TRIQK: variants seen among roughly 807,000 people sequenced by gnomAD.
TRIQK encodes the protein triple QxxK/R motif containing.
TRIQK carries 10 observed loss-of-function variants against 10.8 expected under a neutral mutation model. The observed-to-expected ratio is 0.92, with a 90% CI of 0.57 to 1.57. The LOEUF is 1.57. Among genes scored for constraint, TRIQK ranks in the 40% most tolerant of loss-of-function variants. The pLI is 0.00. For synonymous variants in TRIQK, 33 were observed against 33.7 expected, an observed-to-expected ratio of 0.98 and a Z score of 0.07; for missense variants, 107 against 97.7, an observed-to-expected ratio of 1.09 and a Z score of -0.40.
At chr8:92,899,524 T>A (rs147691044) in intron 3 of TRIQK, among the ~76,000 whole-genome samples, 151 of 152,264 alleles carry the variant, frequency 9.9e-4, no homozygotes, top group Admixed American at 2.1e-3. Flanking sequence ...GTACCTGGCT[T>A]ATTTCACTTG....
At chr8:92,911,692 C>A (rs2130422847) in intron 3 of TRIQK, among the ~76,000 whole-genome samples, 2 of 150,902 alleles carry the variant, frequency 1.3e-5, no homozygotes, top group South Asian at 4.2e-4. Flanking sequence ...AAGGTCATTA[C>A]ATAATGATAA....
In TRIQK at chr8:92,901,717, T is replaced by A. The variant is rs141747241; in HGVS notation, c.62-9643A>T. Reference sequence around the variant, plus strand: ...GCCTGTAGTTTTCTTTTTTTTAATGTGTTCTTGTCTGTTTTTGGTATTACA... The same window carrying A: ...GCCTGTAGTTTTCTTTTTTTTAATGAGTTCTTGTCTGTTTTTGGTATTACA... On this transcript the variant is annotated intron_variant, in intron 3 of 4. Coordinates refer to ENST00000521988, the MANE Select transcript of TRIQK (RefSeq NM_001171797.2). Among the ~76,000 whole-genome samples the A allele has an allele frequency of 1.2e-4, 19 of 152,236 alleles. 1 individual carries two copies. The East Asian group carries it at 3.7e-3, about 29-fold the overall frequency.
rs1271414606 is a variant in TRIQK at position 92,885,070 on chromosome 8, T to A, written c.*1552A>T. On this transcript the variant is annotated 3_prime_UTR_variant, in exon 5 of 5. Transcript: ENST00000521988. ...TTGGTCTGTCTCTTGAGTCTGTGAG[T>A]TCAAAGGGAAGAATCTAGTAAATAA... 2.2e-6 allele frequency: 1 copy of A among 448,014 alleles called. No individual in the cohort carries two copies. Among genetic ancestry groups the A allele is most frequent in the African/African-American group, 2.0e-5 (1 of 49,766 alleles). The allele number at this position is 448,014 out of a possible 1,614,324, so 27.8% of individuals were successfully genotyped here.
At chr8:92,981,835 A>G (rs1486099382) in intron 1 of TRIQK, among the ~76,000 whole-genome samples, 2 of 151,888 alleles carry the variant, frequency 1.3e-5, no homozygotes, top group Non-Finnish European at 2.9e-5. Flanking sequence ...CATACTAAAA[A>G]GAGATATCTT....
intron 3 of TRIQK, among the ~76,000 whole-genome samples, chr8:92,910,715 C>T (rs1042096103): frequency 4.0e-5 from 6 of 150,766 alleles, no homozygotes; most frequent in South Asian, 2.1e-4. Flanking sequence ...TAAACAGACA[C>T]TTCATAAGTA....
chr8:92,970,986 C>T (rs886300905), upstream of TRIQK, among the ~76,000 whole-genome samples: 5 of 151,940 alleles, frequency 3.3e-5, no homozygotes, highest in Non-Finnish European at 5.9e-5. Flanking sequence ...GGTATAAGGT[C>T]GGGGTCTAGT....
At chr8:92,901,764 G>C (rs889757422) in intron 3 of TRIQK, among the ~76,000 whole-genome samples, 1 of 152,026 alleles carries the variant, frequency 6.6e-6, no homozygotes, top group African/African-American at 2.4e-5. Context: ...CTTGTAAAAT[G>C]AGTTTGAAAG....
chr8:92,924,901 G>A (rs916044261), intron 2 of TRIQK, among the ~76,000 whole-genome samples: 1 of 151,902 alleles, frequency 6.6e-6, no homozygotes, highest in African/African-American at 2.4e-5. Flanking sequence ...TTCAGAGATC[G>A]AAGTGCCCAG....
chr8:93,000,047 C>T (rs746131797), intron 1 of TRIQK, among the ~76,000 whole-genome samples: 33 of 151,868 alleles, frequency 2.2e-4, no homozygotes, highest in East Asian at 3.9e-4. Context: ...ACTCATTCTC[C>T]GTGATCTAAA....
intron 1 of TRIQK, chr8:92,964,869 C>T (rs1053157378): frequency 3.3e-5 from 5 of 152,154 alleles, no homozygotes; most frequent in Admixed American, 2.0e-4. Context: ...ATTTCTTAAC[C>T]ATGCCAGTTT....
At chr8:92,974,884 C>G (rs1812915738) in intron 1 of TRIQK, 1 of 152,150 alleles carries the variant, frequency 6.6e-6, no homozygotes, top group South Asian at 2.1e-4. Context: ...TTGCCTGGGA[C>G]CAAGAATTGG....
At chr8:92,891,533 T>A (rs1371607294) in intron 4 of TRIQK, among the ~76,000 whole-genome samples, 1 of 151,902 alleles carries the variant, frequency 6.6e-6, no homozygotes, top group Non-Finnish European at 1.5e-5. Flanking sequence ...AGAACAAGTT[T>A]AGGAATGTCA....
At chr8:93,014,607 T>C (rs553190850) in intron 1 of TRIQK, among the ~76,000 whole-genome samples, 72 of 152,218 alleles carry the variant, frequency 4.7e-4, no homozygotes, top group African/African-American at 1.7e-3. Flanking sequence ...AATGACATCA[T>C]AAAAAGTTAC....
intron 2 of TRIQK, among the ~76,000 whole-genome samples, chr8:92,930,413 A>G (rs1039836482): frequency 2.6e-5 from 4 of 151,058 alleles, no homozygotes; most frequent in Non-Finnish European, 5.9e-5. Flanking sequence ...AAAAAAAAAA[A>G]AAGATTACAA....
intron 3 of TRIQK, among the ~76,000 whole-genome samples, chr8:92,898,934 A>G (rs1808773406): frequency 6.8e-6 from 1 of 146,810 alleles, no homozygotes; most frequent in South Asian, 2.2e-4. Context: ...ACATCAGGGT[A>G]AATGCGGTAT....
intron 2 of TRIQK, among the ~76,000 whole-genome samples, chr8:92,950,475 A>C (rs1424501953): frequency 1.3e-5 from 2 of 152,154 alleles, no homozygotes; most frequent in Non-Finnish European, 2.9e-5. Flanking sequence ...CTAAGAAAAA[A>C]TTTCTCAGGT....
At chr8:92,924,280 C>T (rs1383284786) in intron 2 of TRIQK, among the ~76,000 whole-genome samples, 1 of 151,900 alleles carries the variant, frequency 6.6e-6, no homozygotes, top group East Asian at 1.9e-4. Context: ...TAAAGTTGTT[C>T]ATTCACTTAA....
At chr8:92,902,192 G>A (rs561760563) in intron 3 of TRIQK, among the ~76,000 whole-genome samples, 55 of 152,120 alleles carry the variant, frequency 3.6e-4, no homozygotes, top group African/African-American at 1.2e-3. Flanking sequence ...TGCCTTTCAC[G>A]TTTATCTAGG....
intron 2 of TRIQK, among the ~76,000 whole-genome samples, chr8:92,949,786 GAAAGAA>G: frequency 9.5e-5 from 1 of 10,536 alleles, no homozygotes; most frequent in Non-Finnish European, 1.9e-4. Context: ...GAAAGAAAAA[GAAAGAA>G]AGAAAGAAAG....
Sources: gnomAD v4.1 joint callset for allele counts (sites outside exome capture counted in the v4.1 genomes callset) on GRCh38, gnomAD v4.1.1 for gene constraint, MANE v1.5 for transcripts, NCBI Gene and HGNC (gene_info 2026-07-23, HGNC 2026-07-21) for gene names.